RXFP2: variants seen among roughly 807,000 people sequenced by gnomAD.
RXFP2 encodes the protein relaxin family peptide receptor 2.
Under a neutral mutation model 88.6 loss-of-function variants are expected in RXFP2, and 68 were observed. The observed-to-expected ratio is 0.77, with a 90% CI of 0.63 to 0.94. The LOEUF is 0.94. Among genes scored for constraint, RXFP2 ranks in the 40% least tolerant of loss-of-function variants. The pLI is 0.00. For synonymous variants in RXFP2, 329 were observed against 306.8 expected (o/e 1.07, Z -0.76); for missense variants, 791 against 893.9 (o/e 0.88, Z 1.47).
chr13:31,792,053 A>G lies in RXFP2; in HGVS notation c.1375+18A>G, dbSNP rs2138457601. The G allele has an allele frequency of 1.3e-6, 2 of 1,547,284 alleles. No individual in the cohort carries two copies. Among genetic ancestry groups the G allele is most frequent in the East Asian group, 2.2e-5 (1 of 44,534 alleles). ...CCTTTGTTGTAAGTATGTTTCCAGTATAAGTAGATTAAGGATATCTTCTGT... is the reference window on the plus strand; with the variant it reads ...CCTTTGTTGTAAGTATGTTTCCAGTGTAAGTAGATTAAGGATATCTTCTGT... On this transcript the variant is annotated intron_variant, in intron 15 of 17. Coordinates refer to ENST00000298386, the MANE Select transcript of RXFP2 (RefSeq NM_130806.5).
At chr13:31,767,953 C>A (rs1054896186) in intron 5 of RXFP2, among the ~76,000 whole-genome samples, 2 of 152,170 alleles carry the variant, frequency 1.3e-5, no homozygotes, top group Admixed American at 6.5e-5. Context: ...AATTAGACTT[C>A]TCAGGCCACG....
chr13:31,789,425 A>C (rs1873698269), intron 14 of RXFP2, among the ~76,000 whole-genome samples: 1 of 152,208 alleles, frequency 6.6e-6, no homozygotes, highest in East Asian at 1.9e-4. Context: ...ATTGAGGCCC[A>C]ATAAGAGATC....
rs551976007 is a variant in RXFP2 at position 31,802,317 on chromosome 13, T to C, written c.2177T>C (p.Ile726Thr). Residue 726 changes from isoleucine (I) to threonine (T), a missense_variant, in exon 18 of 18, where the codon ATT (isoleucine) becomes ACT (threonine). Physicochemically the swap from Ile to Thr is moderately conservative, Grantham distance 89. Coordinates refer to ENST00000298386, the MANE Select transcript of RXFP2 (RefSeq NM_130806.5). ...AAAAAAAAAAGTTTATCTACATCCA[T>C]TGTGTGGATAGAGGACTCCTCTTCC... is the stretch of plus-strand genomic sequence containing the variant. ...KIKKKSLSTS[I>T]VWIEDSSSLK... The C allele has an allele frequency of 6.2e-7, 1 of 1,610,304 alleles. No homozygotes were observed. The highest frequency in any genetic ancestry group is 1.7e-5 in the Admixed American group (1 of 60,006).
rs115882827 is a variant in RXFP2 at position 31,745,450 on chromosome 13, A to G, written c.94+5744A>G. On this transcript the variant is annotated intron_variant, in intron 1 of 17. Transcript: ENST00000298386. ...ATGAGCAAGCATTATTTAAATCACA[A>G]TCTTGGGCGATCAGAGTTATTCCAT... Among the ~76,000 whole-genome samples the G allele has an allele frequency of 9.1e-3, 1,386 of 152,116 alleles. 28 individuals carry two copies. The highest frequency in any genetic ancestry group is 0.032 in the African/African-American group (1,329 of 41,516).
Position 31,802,717 on chromosome 13 carries a change from G to A in RXFP2, c.*312G>A, listed in dbSNP as rs1874415856. ...ACCCACCAACAAATGACCACAGGTT[G>A]GCACTGTGTGGTCTTTCACATCGGG... On this transcript the variant is annotated 3_prime_UTR_variant, in exon 18 of 18. Coordinates refer to ENST00000298386, the MANE Select transcript of RXFP2 (RefSeq NM_130806.5). 1.0e-5 allele frequency: 4 copies of A among 382,306 alleles called. No individual in the cohort carries two copies. The highest frequency in any genetic ancestry group is 1.5e-5 in the Non-Finnish European group (3 of 202,356). 23.7% of individuals were successfully genotyped at this position (382,306 alleles called of 1,614,324 possible).
At chr13:31,769,629 T>G (rs1243383855) in intron 5 of RXFP2, among the ~76,000 whole-genome samples, 1 of 152,242 alleles carries the variant, frequency 6.6e-6, no homozygotes, top group Non-Finnish European at 1.5e-5. Context: ...CCTTTCCTTC[T>G]GCACTCTATG....
chr13:31,762,078 A>G (rs1405085185), intron 3 of RXFP2, among the ~76,000 whole-genome samples: 1 of 152,220 alleles, frequency 6.6e-6, no homozygotes, highest in Non-Finnish European at 1.5e-5. Flanking sequence ...TATTACTTTT[A>G]ACTATTTTCT....
chr13:31,785,887 G>T (rs1216573915), intron 11 of RXFP2, among the ~76,000 whole-genome samples: 1 of 152,116 alleles, frequency 6.6e-6, no homozygotes, highest in Non-Finnish European at 1.5e-5. Context: ...TCTTGTAGAA[G>T]AACATATTAA....
intron 2 of RXFP2, among the ~76,000 whole-genome samples, chr13:31,760,930 G>A: frequency 6.6e-6 from 1 of 152,030 alleles, no homozygotes; most frequent in East Asian, 1.9e-4. Flanking sequence ...ACAAATTGAG[G>A]AAATGTTATT....
intron 3 of RXFP2, 60 bp downstream of exon 3, chr13:31,761,861 C>A (rs1872318530): frequency 1.8e-6 from 2 of 1,137,164 alleles, no homozygotes; most frequent in Non-Finnish European, 2.7e-6. Flanking sequence ...TTGTGATGCA[C>A]AGATTTATAT....
chr13:31,796,119 G>A (rs1255349002), intron 16 of RXFP2, among the ~76,000 whole-genome samples: 10 of 131,880 alleles, frequency 7.6e-5, no homozygotes, highest in African/African-American at 2.3e-4. Context: ...GCGCAATCTC[G>A]GCTCACTGCA....
rs1873287555 is a variant in RXFP2, at chr13:31,781,704, A to G, written c.819A>G (p.Thr273=). 2 of 1,612,800 alleles carry G rather than the reference A, an allele frequency of 1.2e-6. No individual in the cohort carries two copies. The highest frequency in any genetic ancestry group is 1.7e-6 in the Non-Finnish European group (2 of 1,179,082). The change falls in exon 10 of 18, where the codon ACA becomes ACG. Residue 273 remains threonine, a synonymous_variant. Transcript: ENST00000298386. ...DLEGNRIKYL[T]NSTFLSCDSL... ...AAGGCAATAGAATAAAGTATCTCAC[A>G]AATTCTACGTTTCTGTCGTGCGATT...
chr13:31,802,246 G>A lies in RXFP2; in HGVS notation c.2106G>A (p.Leu702=), dbSNP rs1874381561. 6.2e-7 allele frequency: 1 copy of A among 1,613,510 alleles called. No homozygotes were observed. Among genetic ancestry groups the A allele is most frequent in the South Asian group, 1.1e-5 (1 of 91,048 alleles). ...CAACCAACTTTTTTAAGGACAAGTT[G>A]AAACAGCTGCTGCACAAACATCAGA... ...TLTTNFFKDK[L]KQLLHKHQRK... The change falls in exon 18 of 18, where the codon TTG becomes TTA. Residue 702 remains leucine, a synonymous_variant. Coordinates refer to ENST00000298386, the MANE Select transcript of RXFP2 (RefSeq NM_130806.5).
At chr13:31,790,607 G>A (rs569534038) in intron 14 of RXFP2, among the ~76,000 whole-genome samples, 34 of 152,356 alleles carry the variant, frequency 2.2e-4, no homozygotes, top group Admixed American at 6.5e-4. Flanking sequence ...ATGAACAAAA[G>A]AGAGGATGTC....
In RXFP2 at chr13:31,755,214, G is replaced by A. The variant is rs1871883807; in HGVS notation, c.95-3044G>A. 2.0e-5 allele frequency among the ~76,000 whole-genome samples: 3 copies of A among 152,190 alleles called. No individual in the cohort carries two copies. In the South Asian group the frequency reaches 6.2e-4, roughly 31 times the overall value. ...GTCTCTGAGGTGCATTATCACTAAC[G>A]AATGTGTTTAAATAGTGGGTCACAT... On this transcript the variant is annotated intron_variant, in intron 1 of 17. Coordinates refer to ENST00000298386, the MANE Select transcript of RXFP2 (RefSeq NM_130806.5).
chr13:31,759,382 A>AAAG (rs1872153095), intron 2 of RXFP2, among the ~76,000 whole-genome samples: 1 of 126,226 alleles, frequency 7.9e-6, no homozygotes, highest in Non-Finnish European at 1.7e-5. Context: ...ATTGAGAAAG[A>AAAG]AAGAAAGAAA....
intron 4 of RXFP2, among the ~76,000 whole-genome samples, chr13:31,765,440 T>G (rs111746200): frequency 4.6e-5 from 7 of 152,146 alleles, no homozygotes; most frequent in African/African-American, 1.4e-4. Context: ...TGCTTTTTTT[T>G]TTTGTTTTAA....
At chr13:31,762,564 G>A (rs1271484112) in intron 3 of RXFP2, among the ~76,000 whole-genome samples, 1 of 152,148 alleles carries the variant, frequency 6.6e-6, no homozygotes, top group Non-Finnish European at 1.5e-5. Context: ...TTTTTGGGGT[G>A]TGTGTGTATA....
chr13:31,790,460 G>A (rs1197083725), intron 14 of RXFP2, among the ~76,000 whole-genome samples: 1 of 152,210 alleles, frequency 6.6e-6, no homozygotes, highest in Non-Finnish European at 1.5e-5. Context: ...TAAGCTACTT[G>A]AAGGCAAGAA....
Sources: allele counts gnomAD v4.1 joint callset (sites outside exome capture counted in the v4.1 genomes callset), GRCh38; gene constraint gnomAD v4.1.1; transcripts MANE v1.5; gene names NCBI Gene and HGNC (gene_info 2026-07-23, HGNC 2026-07-21).